The following SLIT3 variants were observed in gnomAD, a reference collection of about 807,000 sequenced individuals.
SLIT3 encodes slit homolog 3 protein.
A neutral mutation model predicts 184.0 loss-of-function variants in SLIT3; 68 were observed. That is an observed-to-expected ratio of 0.37 (90% CI 0.30 to 0.45). The LOEUF is 0.45. SLIT3 is among the 20% of genes least tolerant of loss of function. The probability of loss-of-function intolerance (pLI) is 1.00; values close to 1 mark genes in which losing one functional copy is unlikely to be tolerated. For synonymous variants in SLIT3, 831 were observed against 828.6 expected, an observed-to-expected ratio of 1.00 and a Z score of -0.05; for missense variants, 1,707 against 2,026.0, an observed-to-expected ratio of 0.84 and a Z score of 3.02.
intron 4 of SLIT3, among the ~76,000 whole-genome samples, chr5:169,083,728 T>A (rs1759165014): frequency 6.6e-6 from 1 of 152,190 alleles, no homozygotes; most frequent in South Asian, 2.1e-4. Flanking sequence ...GGCTCACAGC[T>A]GTCCACCAAG....
At chr5:169,268,499 T>C (rs766653109) in intron 1 of SLIT3, among the ~76,000 whole-genome samples, 2 of 152,200 alleles carry the variant, frequency 1.3e-5, no homozygotes, top group Non-Finnish European at 2.9e-5. Flanking sequence ...CTCTTCCAAT[T>C]TGAATGAGAT....
intron 32 of SLIT3, among the ~76,000 whole-genome samples, chr5:168,681,052 G>T (rs146539719): frequency 0.013 from 1,923 of 152,326 alleles, 41 homozygotes; most frequent in African/African-American, 0.044. Context: ...AGGAGGCTGA[G>T]GTAGGAGGAT....
chr5:169,138,713 C>T (rs184992817), intron 4 of SLIT3, among the ~76,000 whole-genome samples: 2 of 152,354 alleles, frequency 1.3e-5, no homozygotes, highest in Admixed American at 6.5e-5. Flanking sequence ...GTGTTCTCCC[C>T]TCTGTGGTTC....
At position 168,677,818 on chromosome 5, in the gene SLIT3, A is replaced by T. The variant is rs373204126; in HGVS notation, c.3687-4487T>A. 3.9e-5 allele frequency among the ~76,000 whole-genome samples: 6 copies of T among 152,284 alleles called. No homozygotes were observed. The South Asian group carries it at 1.2e-3, about 32-fold the overall frequency. ...AAGTGCTCAGTGAAAGGTGGAAATG[A>T]TGACTCCTTGACCTTACTCTGGGCT... On this transcript the variant is annotated intron_variant, in intron 32 of 35. Transcript: ENST00000519560.
At chr5:169,234,088 T>G (rs1162457261) in intron 3 of SLIT3, among the ~76,000 whole-genome samples, 1 of 152,258 alleles carries the variant, frequency 6.6e-6, no homozygotes, top group East Asian at 1.9e-4. Context: ...TTATTTCTTC[T>G]GTTAATGTGA....
At chr5:168,804,329 A>AAAAAAC (rs1220689311) in intron 9 of SLIT3, among the ~76,000 whole-genome samples, 4 of 150,592 alleles carry the variant, frequency 2.7e-5, no homozygotes, top group Admixed American at 6.6e-5. Context: ...AAAAAAAAAA[A>AAAAAAC]AAAAAAAAAA....
At chr5:169,109,159 G>A (rs1223138098) in intron 4 of SLIT3, among the ~76,000 whole-genome samples, 1 of 152,238 alleles carries the variant, frequency 6.6e-6, no homozygotes, top group Non-Finnish European at 1.5e-5. Context: ...TATGGCAACA[G>A]GGATAGAATG....
intron 12 of SLIT3, among the ~76,000 whole-genome samples, chr5:168,784,158 C>T (rs373639702): frequency 8.5e-5 from 13 of 152,112 alleles, no homozygotes; most frequent in African/African-American, 2.9e-4. Context: ...CACAACACTG[C>T]CAAATCCACC....
At chr5:168,926,740 C>T (rs748083128) in intron 4 of SLIT3, among the ~76,000 whole-genome samples, 12 of 79,114 alleles carry the variant, frequency 1.5e-4, no homozygotes, top group South Asian at 7.0e-4. Flanking sequence ...GACTTTTCTA[C>T]GAAGAAGACA....
rs1171860815 is a variant in SLIT3 at position 168,961,807 on chromosome 5, T to TA, written c.414-78472dup. Among the ~76,000 whole-genome samples the TA allele has an allele frequency of 9.2e-5, 14 of 152,094 alleles. 1 individual carries two copies. The highest frequency in any genetic ancestry group is 9.2e-4 in the Admixed American group (14 of 15,256). ...ATTTTCTGTACCATGGTAGGAACTT[T>TA]AATGTTTATCTTAAGAGCAATACTA... On this transcript the variant is annotated intron_variant, in intron 4 of 35. Transcript: ENST00000519560.
In SLIT3 at chr5:168,812,222, T is replaced by C. The variant is rs116650701; in HGVS notation, c.793+5078A>G. 8.3e-3 allele frequency among the ~76,000 whole-genome samples: 1,261 copies of C among 152,198 alleles called. 17 individuals carry two copies. Among genetic ancestry groups the C allele is most frequent in the African/African-American group, 0.029 (1,194 of 41,518 alleles). ...GGGGAGGGTATTCGGGAGGAGGACA[T>C]AGGGAGAGACTGATCCGCATGTATG... is the stretch of plus-strand genomic sequence containing the variant. On this transcript the variant is annotated intron_variant, in intron 8 of 35. Coordinates refer to ENST00000519560, the MANE Select transcript of SLIT3 (RefSeq NM_003062.4).
At chr5:169,255,161 T>C (rs1043468408) in intron 1 of SLIT3, among the ~76,000 whole-genome samples, 1 of 152,256 alleles carries the variant, frequency 6.6e-6, no homozygotes, top group African/African-American at 2.4e-5. Context: ...TACTTGATAA[T>C]AATAAGTGAC....
At chr5:168,934,462 CTG>C (rs1762089194) in intron 4 of SLIT3, among the ~76,000 whole-genome samples, 1 of 152,198 alleles carries the variant, frequency 6.6e-6, no homozygotes, top group African/African-American at 2.4e-5. Context: ...TAATTATTGA[CTG>C]TATTGTGGGA....
chr5:169,181,979 C>A lies in SLIT3; in HGVS notation c.413+11500G>T, dbSNP rs140921543. Among the ~76,000 whole-genome samples the A allele has an allele frequency of 3.9e-5, 6 of 152,258 alleles. No homozygotes were observed. The East Asian group carries it at 1.2e-3, about 29-fold the overall frequency. ...ATTCAACATATATTTCAATCAAAAGCTGACTCGTTGACTAAAAATTCAAGT... is the reference window on the plus strand; with the variant it reads ...ATTCAACATATATTTCAATCAAAAGATGACTCGTTGACTAAAAATTCAAGT... On this transcript the variant is annotated intron_variant, in intron 4 of 35. Transcript: ENST00000519560.
chr5:168,963,186 C>T lies in SLIT3; in HGVS notation c.414-79850G>A, dbSNP rs368281781. ...CACTCATGCTTATTTCTTTTCTTTT[C>T]GAAATGGAGTCTCACTCACTGTTTG... On this transcript the variant is annotated intron_variant, in intron 4 of 35. Transcript: ENST00000519560. Among the ~76,000 whole-genome samples, 97 of 152,184 alleles carry T rather than the reference C, an allele frequency of 6.4e-4. 1 individual carries two copies. The highest frequency in any genetic ancestry group is 1.4e-3 in the African/African-American group (57 of 41,530).
chr5:168,725,278 A>G (rs913305702), intron 20 of SLIT3, among the ~76,000 whole-genome samples: 5 of 152,132 alleles, frequency 3.3e-5, no homozygotes, highest in African/African-American at 1.2e-4. Flanking sequence ...CTCCTTAGAG[A>G]CTCAAGTGTG....
At chr5:168,970,758 A>G (rs1288710372) in intron 4 of SLIT3, among the ~76,000 whole-genome samples, 4 of 152,166 alleles carry the variant, frequency 2.6e-5, no homozygotes, top group African/African-American at 9.7e-5. Context: ...TTTTCTTACT[A>G]TAAAGAGCCC....
At chr5:168,852,609 T>C (rs1455644918) in intron 5 of SLIT3, among the ~76,000 whole-genome samples, 1 of 152,210 alleles carries the variant, frequency 6.6e-6, no homozygotes, top group East Asian at 1.9e-4. Flanking sequence ...CCTCGAGAGA[T>C]CTTTGTTTCC....
At chr5:169,170,027 G>A (rs1397498823) in intron 4 of SLIT3, among the ~76,000 whole-genome samples, 1 of 152,196 alleles carries the variant, frequency 6.6e-6, no homozygotes, top group East Asian at 1.9e-4. Flanking sequence ...CAGGCAAAAG[G>A]CTTCCTGGAG....
Sources: gnomAD v4.1 joint callset for allele counts (sites outside exome capture counted in the v4.1 genomes callset) on GRCh38, gnomAD v4.1.1 for gene constraint, MANE v1.5 for transcripts, NCBI Gene and HGNC (gene_info 2026-07-23, HGNC 2026-07-21) for gene names.